Variants in EXT1 observed in about 807,000 individuals in gnomAD.
EXT1 encodes exostosin-1.
Under a neutral mutation model 82.5 loss-of-function variants are expected in EXT1, and 20 were observed. That is an observed-to-expected ratio of 0.24 (90% CI 0.17 to 0.35). The LOEUF is 0.35. Among genes scored for constraint, EXT1 ranks in the 10% least tolerant of loss-of-function variants. The pLI, the probability that EXT1 is intolerant of heterozygous loss-of-function variation, is 1.00. For missense variants in EXT1, 757 were observed against 936.5 expected (o/e 0.81, Z 2.50); for synonymous variants, 348 against 350.8 (o/e 0.99, Z 0.09).
intron 1 of EXT1, among the ~76,000 whole-genome samples, chr8:117,981,316 C>T (rs930029363): frequency 2.6e-5 from 4 of 152,246 alleles, no homozygotes; most frequent in African/African-American, 9.6e-5. Flanking sequence ...CTTTGCACTG[C>T]CTATGAACAA....
chr8:117,839,434 C>T (rs1812238540), intron 1 of EXT1, among the ~76,000 whole-genome samples: 1 of 152,180 alleles, frequency 6.6e-6, no homozygotes, highest in Non-Finnish European at 1.5e-5. Flanking sequence ...GTGCACAATT[C>T]CATACCCATA....
At chr8:118,040,151 T>C (rs1400382620) in intron 1 of EXT1, among the ~76,000 whole-genome samples, 1 of 152,166 alleles carries the variant, frequency 6.6e-6, no homozygotes, top group Non-Finnish European at 1.5e-5. Context: ...TTTAACATTA[T>C]TTTTAACAAA....
intron 1 of EXT1, among the ~76,000 whole-genome samples, chr8:117,861,244 G>A (rs1452116915): frequency 4.6e-5 from 7 of 152,152 alleles, no homozygotes; most frequent in Non-Finnish European, 4.4e-5. Flanking sequence ...CATCCTTTGC[G>A]AAGTCCATTT....
At chr8:117,921,434 G>A (rs1183561878) in intron 1 of EXT1, among the ~76,000 whole-genome samples, 1 of 152,176 alleles carries the variant, frequency 6.6e-6, no homozygotes, top group Non-Finnish European at 1.5e-5. Context: ...TTTTACTGAA[G>A]GAAACATTAG....
At chr8:117,831,683 C>T (rs1245063962) in intron 3 of EXT1, 1 of 470,964 alleles carries the variant, frequency 2.1e-6, no homozygotes, top group South Asian at 1.5e-5. Context: ...GCTCCGTTAG[C>T]TGCTTTAATA....
chr8:118,105,526 G>C (rs1817791181), intron 1 of EXT1, among the ~76,000 whole-genome samples: 1 of 152,018 alleles, frequency 6.6e-6, no homozygotes, highest in South Asian at 2.1e-4. Flanking sequence ...TTGTGATTGA[G>C]GTTCTCAGGT....
intron 1 of EXT1, among the ~76,000 whole-genome samples, chr8:118,020,960 A>G (rs1816093387): frequency 6.6e-6 from 1 of 152,224 alleles, no homozygotes; most frequent in African/African-American, 2.4e-5. Flanking sequence ...TACATTCTTT[A>G]ATGTAGCTTA....
At position 118,080,577 on chromosome 8, in the gene EXT1, T is replaced by C. The variant is rs1053052921; in HGVS notation, c.962+29508A>G. Among the ~76,000 whole-genome samples the C allele has an allele frequency of 3.3e-5, 5 of 152,176 alleles. 1 individual carries two copies. Among genetic ancestry groups the C allele is most frequent in the Non-Finnish European group, 7.4e-5 (5 of 68,022 alleles). On this transcript the variant is annotated intron_variant, in intron 1 of 10. Coordinates refer to ENST00000378204, the MANE Select transcript of EXT1 (RefSeq NM_000127.3). The stretch of plus-strand genomic sequence containing the variant: ...TTTATATCACTTGTAGTTTAAATGG[T>C]ATTCTGCAGGCGTTGGGCATAATCA...
chr8:117,981,211 G>T (rs1246080902), intron 1 of EXT1, among the ~76,000 whole-genome samples: 1 of 152,100 alleles, frequency 6.6e-6, no homozygotes, highest in African/African-American at 2.4e-5. Flanking sequence ...GGTTTTAAAT[G>T]CTTTATTTAC....
At chr8:118,019,150 T>C (rs1000274193) in intron 1 of EXT1, among the ~76,000 whole-genome samples, 8 of 152,112 alleles carry the variant, frequency 5.3e-5, no homozygotes, top group African/African-American at 1.9e-4. Context: ...GTGAGTGCTT[T>C]AGAAATCCAG....
At chr8:117,985,149 AG>A (rs1815291589) in intron 1 of EXT1, among the ~76,000 whole-genome samples, 1 of 152,222 alleles carries the variant, frequency 6.6e-6, no homozygotes, top group Admixed American at 6.5e-5. Flanking sequence ...TAACAAAGGA[AG>A]TAATAAAAAG....
At chr8:117,837,633 A>T (rs560278803) in intron 1 of EXT1, among the ~76,000 whole-genome samples, 1 of 152,314 alleles carries the variant, frequency 6.6e-6, no homozygotes, top group South Asian at 2.1e-4. Context: ...ACCCCTTCAA[A>T]ACCATGCTAT....
intron 1 of EXT1, among the ~76,000 whole-genome samples, chr8:117,960,800 T>A (rs7824272): frequency 0.14 from 20,643 of 152,126 alleles, 2,078 homozygotes; most frequent in African/African-American, 0.27. Flanking sequence ...ATTTTGGAAC[T>A]TCCTACTTAT....
intron 1 of EXT1, among the ~76,000 whole-genome samples, chr8:117,998,965 G>A (rs1815604533): frequency 6.6e-6 from 1 of 152,132 alleles, no homozygotes; most frequent in Admixed American, 6.6e-5. Context: ...GGGAACATAA[G>A]TCATGTATAA....
chr8:117,984,316 G>A (rs1815267088), intron 1 of EXT1, among the ~76,000 whole-genome samples: 1 of 152,086 alleles, frequency 6.6e-6, no homozygotes, highest in Non-Finnish European at 1.5e-5. Context: ...CTACTTGGGA[G>A]GCTGAGGCAG....
chr8:117,893,066 A>T (rs6997503), intron 1 of EXT1, among the ~76,000 whole-genome samples: 1 of 152,058 alleles, frequency 6.6e-6, no homozygotes, highest in African/African-American at 2.4e-5. Context: ...GAGTAGCTGA[A>T]ACATTACAGT....
intron 1 of EXT1, among the ~76,000 whole-genome samples, chr8:117,908,738 G>T (rs962009252): frequency 6.6e-6 from 1 of 152,166 alleles, no homozygotes; most frequent in Non-Finnish European, 1.5e-5. Flanking sequence ...TAAGGAAATC[G>T]TTATTAGCCC....
At chr8:117,940,092 G>T (rs901495861) in intron 1 of EXT1, among the ~76,000 whole-genome samples, 1 of 152,174 alleles carries the variant, frequency 6.6e-6, no homozygotes, top group African/African-American at 2.4e-5. Flanking sequence ...ATAAGTCATG[G>T]CATTCAATAG....
At chr8:117,850,993 G>C (rs1271000360) in intron 1 of EXT1, among the ~76,000 whole-genome samples, 1 of 152,132 alleles carries the variant, frequency 6.6e-6, no homozygotes, top group Non-Finnish European at 1.5e-5. Flanking sequence ...AAAACTGCCT[G>C]GAAACAACTG....
Sources: allele counts gnomAD v4.1 joint callset (sites outside exome capture counted in the v4.1 genomes callset), GRCh38; gene constraint gnomAD v4.1.1; transcripts MANE v1.5; gene names NCBI Gene and HGNC (gene_info 2026-07-23, HGNC 2026-07-21).